Variants in FBXO32 observed in about 807,000 individuals in gnomAD.
FBXO32 encodes F-box only protein 32.
FBXO32 carries 15 observed loss-of-function variants against 48.3 expected under a neutral mutation model. The observed-to-expected ratio is 0.31, with a 90% confidence interval of 0.21 to 0.48. The LOEUF is 0.48. FBXO32 is among the 20% of genes least tolerant of loss of function. The probability of loss-of-function intolerance (pLI) is 0.99; values close to 1 mark genes in which losing one functional copy is unlikely to be tolerated. For synonymous variants in FBXO32, 154 were observed against 165.9 expected (o/e 0.93, Z 0.55); for missense variants, 309 against 432.7 (o/e 0.71, Z 2.54).
chr8:123,533,058 T>C (rs1563926969), intron 3 of FBXO32, 133 bp downstream of exon 3: 1 of 668,306 alleles, frequency 1.5e-6, no homozygotes, highest in Non-Finnish European at 2.6e-6. Context: ...AATAATAGAC[T>C]AATAGCTGCC....
chr8:123,530,739 C>T (rs1201373618), intron 4 of FBXO32, among the ~76,000 whole-genome samples: 3 of 151,744 alleles, frequency 2.0e-5, no homozygotes, highest in Non-Finnish European at 4.4e-5. Context: ...CTCAGCCTCC[C>T]GAGTAGCTGG....
At chr8:123,534,906 A>G in intron 1 of FBXO32, 92 bp from the exon 2 acceptor site, 1 of 705,076 alleles carries the variant, frequency 1.4e-6, no homozygotes, top group South Asian at 2.1e-5. Flanking sequence ...TTATAAGACA[A>G]ACAAACATAC....
Position 123,534,609 on chromosome 8 carries a change from T to G in FBXO32, c.229+93A>C, listed in dbSNP as rs930237196. ...ACACAGTAAAACACTGAGGCAGATG[T>G]GTGACATGGGAGGTGTTATTTTTTT... On this transcript the variant is annotated intron_variant, in intron 2 of 8. Transcript: ENST00000517956. 24 of 723,720 alleles carry G rather than the reference T, an allele frequency of 3.3e-5. No homozygotes were observed. The Admixed American group carries it at 5.4e-4, about 16-fold the overall frequency. 44.8% of individuals were successfully genotyped at this position (723,720 alleles called of 1,614,324 possible).
rs1419529417 is a variant in FBXO32 at position 123,498,894 on chromosome 8, C to T, written c.*4479G>A. 1 of 152,194 alleles carries T rather than the reference C, an allele frequency of 6.6e-6. No individual in the cohort carries two copies. Among genetic ancestry groups the T allele is most frequent in the African/African-American group, 2.4e-5 (1 of 41,448 alleles). The allele number at this position is 152,194 out of a possible 1,614,324, so 9.4% of individuals were successfully genotyped here. Reference sequence around the variant, plus strand: ...GGTCTGTGAAAACATTAAGTGGCTCCTTAACTTCTCCAGTAAGAATCAGGG... The same window carrying T: ...GGTCTGTGAAAACATTAAGTGGCTCTTTAACTTCTCCAGTAAGAATCAGGG... On this transcript the variant is annotated 3_prime_UTR_variant, in exon 9 of 9. Transcript: ENST00000517956.
intron 4 of FBXO32, among the ~76,000 whole-genome samples, chr8:123,523,500 G>C (rs1020961866): frequency 6.6e-6 from 1 of 152,146 alleles, no homozygotes; most frequent in Non-Finnish European, 1.5e-5. Flanking sequence ...TGAGGCAGGA[G>C]AATCGCTTGA....
Position 123,540,392 on chromosome 8 carries a change from C to G in FBXO32, c.116+507G>C, listed in dbSNP as rs1817387918. 6.6e-6 allele frequency among the ~76,000 whole-genome samples: 1 copy of G among 152,216 alleles called. No individual in the cohort carries two copies. On this transcript the variant is annotated intron_variant, in intron 1 of 8. Transcript: ENST00000517956. The surrounding 1 kb of genome is among the most constrained non-coding windows in gnomAD (Gnocchi z 6.4). The stretch of plus-strand genomic sequence containing the variant: ...TCCTCCCGGCCACTTCGTGGTTGCC[C>G]GTGCCTGGGCAGGGCCTGGAAGCGC...
chr8:123,534,590 TA>T (rs1450845341), intron 2 of FBXO32, 111 bp downstream of exon 2: 1 of 641,040 alleles, frequency 1.6e-6, no homozygotes, highest in Non-Finnish European at 2.8e-6. Flanking sequence ...TGACACACAG[TA>T]AAACACTGAG....
rs1186305436 is a variant in FBXO32 at position 123,534,952 on chromosome 8, A to G, written c.117-138T>C. 5.6e-6 allele frequency: 3 copies of G among 537,124 alleles called. No homozygotes were observed. The African/African-American group carries it at 5.8e-5, about 10-fold the overall frequency. The allele number at this position is 537,124 out of a possible 1,614,324, so 33.3% of individuals were successfully genotyped here. A position where few individuals can be genotyped will look rare whatever the true frequency, so the allele number is the denominator to read the frequency against. On this transcript the variant is annotated intron_variant, in intron 1 of 8. Transcript: ENST00000517956. Reference sequence around the variant, plus strand: ...AACAAAATAAAACAATAAAATGATCACTCAAAGAAAAAAGAGTCTATACAG... The same window carrying G: ...AACAAAATAAAACAATAAAATGATCGCTCAAAGAAAAAAGAGTCTATACAG...
At chr8:123,503,957 T>C (rs1816555566) in intron 8 of FBXO32, among the ~76,000 whole-genome samples, 1 of 151,980 alleles carries the variant, frequency 6.6e-6, no homozygotes, top group Non-Finnish European at 1.5e-5. Context: ...CATGTGCCTG[T>C]AGTCCCAGAT....
rs1159404147 is a variant in FBXO32, at chr8:123,514,285, C to T, written c.421G>A (p.Ala141Thr). Residue 141 changes from alanine to threonine, a missense_variant, in exon 5 of 9, where the codon GCC becomes ACC. Physicochemically the swap from Ala to Thr is moderately conservative, Grantham distance 58 (BLOSUM62 0). Coordinates refer to ENST00000517956, the MANE Select transcript of FBXO32 (RefSeq NM_058229.4). ...AAAATATTCATGAAGTTCTTTTGGGCGATGCCACTCAGGGATGTGAGCTGT... is the reference window on the plus strand; with the variant it reads ...AAAATATTCATGAAGTTCTTTTGGGTGATGCCACTCAGGGATGTGAGCTGT... ...KSQLTSLSGI[A>T]QKNFMNILEK... is the part of the protein sequence containing the mutation. 2.5e-6 allele frequency: 4 copies of T among 1,613,018 alleles called. No individual in the cohort carries two copies. The highest frequency in any genetic ancestry group is 3.4e-6 in the Non-Finnish European group (4 of 1,179,664).
At chr8:123,528,139 G>A (rs1587000273) in intron 4 of FBXO32, among the ~76,000 whole-genome samples, 1 of 152,300 alleles carries the variant, frequency 6.6e-6, no homozygotes, top group South Asian at 2.1e-4. Flanking sequence ...TAATTAAATC[G>A]GAAGCTCCAG....
chr8:123,517,032 T>A (rs1816853469), intron 4 of FBXO32, among the ~76,000 whole-genome samples: 1 of 152,046 alleles, frequency 6.6e-6, no homozygotes. Flanking sequence ...ACAGCAAGAT[T>A]CGGAAGGCCA....
intron 4 of FBXO32, among the ~76,000 whole-genome samples, chr8:123,526,632 C>T (rs574145641): frequency 6.6e-6 from 1 of 152,286 alleles, no homozygotes; most frequent in Non-Finnish European, 1.5e-5. Flanking sequence ...CAAACCAGTT[C>T]CCCTAAGTTC....
intron 1 of FBXO32, among the ~76,000 whole-genome samples, chr8:123,537,172 A>C (rs1042908114): frequency 6.6e-6 from 1 of 152,192 alleles, no homozygotes; most frequent in African/African-American, 2.4e-5. Context: ...TGCAAAGCCA[A>C]TGGAAAATTA....
At chr8:123,534,635 TCATCCAAG>T in intron 2 of FBXO32, 59 bp downstream of exon 2, 1 of 996,982 alleles carries the variant, frequency 1.0e-6, no homozygotes, top group Admixed American at 1.9e-5. Context: ...TTATTTTTTT[TCATCCAAG>T]AACCAATCAT....
At chr8:123,516,704 G>A (rs1305966278) in intron 4 of FBXO32, among the ~76,000 whole-genome samples, 1 of 152,072 alleles carries the variant, frequency 6.6e-6, no homozygotes, top group Admixed American at 6.6e-5. Context: ...ATTAAAAAAA[G>A]CCACCCCCAA....
rs1817386208 is a variant in FBXO32 at position 123,540,305 on chromosome 8, G to T, written c.116+594C>A. 6.6e-6 allele frequency among the ~76,000 whole-genome samples: 1 copy of T among 152,164 alleles called. No homozygotes were observed. The highest frequency in any genetic ancestry group is 1.5e-5 in the Non-Finnish European group (1 of 68,034). ...CTGCAGCCCCAAGCCTCCACCGCTCGCAAGTCCGCCCAGTAAGCGGCTGCC... is the reference window on the plus strand; with the variant it reads ...CTGCAGCCCCAAGCCTCCACCGCTCTCAAGTCCGCCCAGTAAGCGGCTGCC... On this transcript the variant is annotated intron_variant, in intron 1 of 8. Transcript: ENST00000517956. This position sits in a 1 kb window ranked among gnomAD's most constrained non-coding sequence, Gnocchi z 6.4.
chr8:123,511,352 G>T (rs1816729916), intron 6 of FBXO32, among the ~76,000 whole-genome samples: 1 of 152,184 alleles, frequency 6.6e-6, no homozygotes, highest in Admixed American at 6.5e-5. Flanking sequence ...GAGCTAAGGA[G>T]GGTTCTGAGC....
chr8:123,515,155 G>A (rs1172869537), intron 4 of FBXO32, among the ~76,000 whole-genome samples: 1 of 152,170 alleles, frequency 6.6e-6, no homozygotes, highest in Admixed American at 6.5e-5. Flanking sequence ...ATAATACAAG[G>A]TTGTTGTGAG....
Sources: allele counts gnomAD v4.1 joint callset (sites outside exome capture counted in the v4.1 genomes callset), GRCh38; gene constraint gnomAD v4.1.1; non-coding constraint Gnocchi (gnomAD v3.1); transcripts MANE v1.5; gene names NCBI Gene and HGNC (gene_info 2026-07-23, HGNC 2026-07-21).